The following NLRP1 variants were observed in gnomAD, a reference collection of about 807,000 sequenced individuals.
NLRP1 encodes NACHT, LRR and PYD domains-containing protein 1.
In NLRP1, 94 loss-of-function variants were observed where a neutral mutation model predicts 136.7. That is an observed-to-expected ratio of 0.69 (90% CI 0.58 to 0.82). The LOEUF is 0.82. Ranked by LOEUF, NLRP1 falls within the 40% of genes least tolerant of loss-of-function variation. The probability of loss-of-function intolerance (pLI) is 0.00; values close to 1 mark genes in which losing one functional copy is unlikely to be tolerated. For missense variants in NLRP1, 1,575 were observed against 1,802.7 expected (o/e 0.87, Z 2.29); for synonymous variants, 690 against 725.1 (o/e 0.95, Z 0.78).
At chr17:5,560,078 A>G in intron 3 of NLRP1, 35 bp from the exon 4 acceptor site, 1 of 1,486,320 alleles carries the variant, frequency 6.7e-7, no homozygotes, top group Non-Finnish European at 8.9e-7. Flanking sequence ...ACATAAAGGT[A>G]GAGAATAGAA....
chr17:5,544,397 C>T (rs1375735876), intron 5 of NLRP1, among the ~76,000 whole-genome samples: 1 of 152,180 alleles, frequency 6.6e-6, no homozygotes, highest in Non-Finnish European at 1.5e-5. Flanking sequence ...GGAGGGTCTC[C>T]CATCTGCTTT....
chr17:5,509,408 G>T (rs770195501), downstream of NLRP1, among the ~76,000 whole-genome samples: 33 of 152,174 alleles, frequency 2.2e-4, no homozygotes, highest in Admixed American at 1.1e-3. Flanking sequence ...GTTTAAATCT[G>T]TAGTTATCCC....
At chr17:5,513,819 C>T (rs1907788492), downstream of NLRP1, among the ~76,000 whole-genome samples, 1 of 152,158 alleles carries the variant, frequency 6.6e-6, no homozygotes, top group African/African-American at 2.4e-5. Context: ...AGCCAAAACC[C>T]ATCAAACCAA....
rs114926286 is a variant in NLRP1 at position 5,523,834 on chromosome 17, T to A, written c.3521-2048A>T. ...TAAGTTTTGTCATTTAACTGCGTTTTTGGGATGAAAATAAAGTCACAGTGG... is the reference window on the plus strand; with the variant it reads ...TAAGTTTTGTCATTTAACTGCGTTTATGGGATGAAAATAAAGTCACAGTGG... On this transcript the variant is annotated intron_variant, in intron 12 of 16. Coordinates refer to ENST00000572272, the MANE Select transcript of NLRP1 (RefSeq NM_033004.4). Among the ~76,000 whole-genome samples, 1,374 of 152,342 alleles carry A rather than the reference T, an allele frequency of 9.0e-3. 20 individuals are homozygous for A. The highest frequency in any genetic ancestry group is 0.03 in the African/African-American group (1,248 of 41,566).
chr17:5,582,655 C>A lies in NLRP1; in HGVS notation c.448+15G>T, dbSNP rs745921839. On this transcript the variant is annotated intron_variant, in intron 2 of 16. Transcript: ENST00000572272. Reference sequence around the variant, plus strand: ...GCTCCACCCAGGGCTGTCAGCCTGCCTCAGCAAGCCTCACCTCTCCAGCGG... The same window carrying A: ...GCTCCACCCAGGGCTGTCAGCCTGCATCAGCAAGCCTCACCTCTCCAGCGG... 28 of 1,613,410 alleles carry A rather than the reference C, an allele frequency of 1.7e-5. No homozygotes were observed. The South Asian group carries it at 2.3e-4, about 13-fold the overall frequency.
In NLRP1 at chr17:5,523,099, A is replaced by G. The variant is rs115035904; in HGVS notation, c.3521-1313T>C. Among the ~76,000 whole-genome samples, 1,005 of 152,214 alleles carry G rather than the reference A, an allele frequency of 6.6e-3. 10 individuals are homozygous for G. Among genetic ancestry groups the G allele is most frequent in the African/African-American group, 0.023 (967 of 41,520 alleles). The stretch of plus-strand genomic sequence containing the variant: ...AGGGGTGAAACAGATGCAGAGAGAG[A>G]GAATTCTGGCAGTAGCAGTTGGGTG... On this transcript the variant is annotated intron_variant, in intron 12 of 16. Coordinates refer to ENST00000572272, the MANE Select transcript of NLRP1 (RefSeq NM_033004.4).
chr17:5,536,117 G>A (rs1357361142), intron 8 of NLRP1, among the ~76,000 whole-genome samples: 2 of 151,898 alleles, frequency 1.3e-5, no homozygotes, highest in East Asian at 1.9e-4. Context: ...CAGGGGATTC[G>A]CTGGCTCACC....
At chr17:5,556,115 TACACACACACACACAC>T (rs59028107) in intron 4 of NLRP1, among the ~76,000 whole-genome samples, 31 of 119,072 alleles carry the variant, frequency 2.6e-4, no homozygotes, top group East Asian at 1.5e-3. Context: ...TCTCTCTCTC[TACACACACACACACAC>T]ACACACACAC....
rs1906015673 is a variant in NLRP1, at chr17:5,584,049, C to T, written c.-92G>A. 5 of 1,211,432 alleles carry T rather than the reference C, an allele frequency of 4.1e-6. No individual in the cohort carries two copies. The highest frequency in any genetic ancestry group is 5.7e-6 in the Non-Finnish European group (5 of 878,014). The allele number at this position is 1,211,432 out of a possible 1,614,324, so 75.0% of individuals were successfully genotyped here. A position where few individuals can be genotyped will look rare whatever the true frequency, so the allele number is the denominator to read the frequency against. On this transcript the variant is annotated 5_prime_UTR_variant, in exon 1 of 17. Transcript: ENST00000572272. ...AGAACAGTGCTGTCCTTTGCCTTGG[C>T]TCTTACCGTCTCTTATTCAGCATTC...
intron 14 of NLRP1, 115 bp from the exon 15 acceptor site, chr17:5,518,002 T>C: frequency 1.1e-6 from 1 of 950,094 alleles, no homozygotes; most frequent in African/African-American, 1.6e-5. Context: ...ATGATCCCTG[T>C]ACTGAAATCA....
At chr17:5,568,637 A>G (rs1377759366) in intron 3 of NLRP1, among the ~76,000 whole-genome samples, 1 of 152,114 alleles carries the variant, frequency 6.6e-6, no homozygotes, top group African/African-American at 2.4e-5. Context: ...TGGGCATTGA[A>G]GAGTTGAGCA....
downstream of NLRP1, chr17:5,512,455 C>T (rs1315928110): frequency 2.7e-6 from 2 of 752,956 alleles, no homozygotes; most frequent in Non-Finnish European, 4.8e-6. Flanking sequence ...ACCAGGTTTT[C>T]TACAATGGAA....
At chr17:5,505,933 T>C (rs1019861513) in intron 15 of NLRP1, 3 of 152,224 alleles carry the variant, frequency 2.0e-5, no homozygotes, top group African/African-American at 4.8e-5. Context: ...TCAGAGAGAA[T>C]AGATTTGGTT....
At chr17:5,525,635 G>C (rs1295179852) in intron 12 of NLRP1, among the ~76,000 whole-genome samples, 1 of 152,186 alleles carries the variant, frequency 6.6e-6, no homozygotes, top group Non-Finnish European at 1.5e-5. Flanking sequence ...GGCACTAGAG[G>C]GTTGTCTAGC....
Position 5,581,878 on chromosome 17 carries a change from C to T in NLRP1, c.633G>A (p.Thr211=), listed in dbSNP as rs200185293. 37 of 1,612,584 alleles carry T rather than the reference C, an allele frequency of 2.3e-5. No homozygotes were observed. The highest frequency in any genetic ancestry group is 4.1e-4 in the Middle Eastern group (2 of 4,906). ...TCTCACCTGTGTAGTAAATTCCTGA[C>T]GTTTCATCCAGAGGCCATTGGGTCC... ...APGTQWPLDE[T]SGIYYTEIRE... The change falls in exon 3 of 17, where the codon ACG becomes ACA. Residue 211 remains threonine (T), a synonymous_variant. Transcript: ENST00000572272.
Position 5,514,936 on chromosome 17 carries a change from C to G in NLRP1, c.4240G>C (p.Glu1414Gln). ...HGQVLSQEQY[E>Q]RVLAENTRPS... ...CTCGTGTTCTCAGCCAGCACCCTCT[C>G]GTACTGCTCCTGGCTCAGCACCTGT... The change falls in exon 17 of 17, where the codon GAG (glutamate) becomes CAG (glutamine). Residue 1414 changes from glutamate (E) to glutamine (Q), a missense_variant. Glu to Gln is a conservative substitution (Grantham distance 29). Transcript: ENST00000572272. 3.1e-6 allele frequency: 5 copies of G among 1,614,216 alleles called. No individual in the cohort carries two copies. The highest frequency in any genetic ancestry group is 4.2e-6 in the Non-Finnish European group (5 of 1,180,038).
intron 8 of NLRP1, among the ~76,000 whole-genome samples, chr17:5,536,277 T>C (rs1469632261): frequency 1.3e-5 from 2 of 151,920 alleles, no homozygotes; most frequent in African/African-American, 4.8e-5. Context: ...GACTCCCAAG[T>C]AGCTGAGACT....
chr17:5,540,662 T>C (rs1011824465), intron 6 of NLRP1, among the ~76,000 whole-genome samples: 2 of 152,134 alleles, frequency 1.3e-5, no homozygotes, highest in Non-Finnish European at 2.9e-5. Flanking sequence ...CTTCTGTAGA[T>C]GTAGCGAGGA....
chr17:5,556,710 C>A (rs1450653412), intron 4 of NLRP1, among the ~76,000 whole-genome samples: 2 of 151,650 alleles, frequency 1.3e-5, no homozygotes, highest in African/African-American at 4.8e-5. Context: ...GCAACCTCTG[C>A]CCCTGACCTG....
Sources: allele counts gnomAD v4.1 joint callset (sites outside exome capture counted in the v4.1 genomes callset), GRCh38; gene constraint gnomAD v4.1.1; transcripts MANE v1.5; gene names NCBI Gene and HGNC (gene_info 2026-07-23, HGNC 2026-07-21).